Variants in IQCK observed in about 807,000 individuals in gnomAD.
The protein encoded by IQCK is IQ domain-containing protein K.
Under a neutral mutation model 28.1 loss-of-function variants are expected in IQCK, and 29 were observed. That is an observed-to-expected ratio of 1.03 (90% CI 0.77 to 1.41). IQCK has a LOEUF of 1.41. IQCK is among the 40% of genes most tolerant of loss of function. The probability of loss-of-function intolerance (pLI) is 0.00; values close to 1 mark genes in which losing one functional copy is unlikely to be tolerated. For missense variants in IQCK, 359 were observed against 314.7 expected (o/e 1.14, Z -1.07); for synonymous variants, 113 against 115.1 (o/e 0.98, Z 0.12).
At chr16:19,739,908 C>G (rs773868441) in intron 4 of IQCK, among the ~76,000 whole-genome samples, 1 of 152,220 alleles carries the variant, frequency 6.6e-6, no homozygotes, top group Non-Finnish European at 1.5e-5. Flanking sequence ...CTTACAATAA[C>G]CTTCTGAACC....
exon 10 of IQCK, chr16:19,857,242 G>A (rs1021622572): frequency 1.7e-5 from 5 of 296,900 alleles, no homozygotes; most frequent in East Asian, 1.1e-4. Context: ...AGGCAGATCC[G>A]AAAGCCTAGT....
At chr16:19,848,249 C>T (rs950772701) in intron 9 of IQCK, among the ~76,000 whole-genome samples, 4 of 152,260 alleles carry the variant, frequency 2.6e-5, no homozygotes, top group African/African-American at 7.2e-5. Context: ...TGACTAATGA[C>T]GTTGCACACC....
At chr16:19,781,935 G>A (rs981282800) in intron 6 of IQCK, among the ~76,000 whole-genome samples, 3 of 152,022 alleles carry the variant, frequency 2.0e-5, no homozygotes, top group African/African-American at 7.2e-5. Context: ...GATGCAGTGA[G>A]CCGAGATCGT....
chr16:19,842,955 C>T lies in IQCK; in HGVS notation c.803-13532C>T, dbSNP rs559093916. 2.0e-4 allele frequency among the ~76,000 whole-genome samples: 30 copies of T among 152,122 alleles called. 1 individual carries two copies. The highest frequency in any genetic ancestry group is 6.0e-4 in the African/African-American group (25 of 41,492). On this transcript the variant is annotated intron_variant, in intron 9 of 9. Coordinates refer to the IQCK transcript ENST00000320394. The stretch of plus-strand genomic sequence containing the variant: ...ACATTAAACACTGGGAAGCCTGGCC[C>T]GGGGGAGTTGTCATTAGAGCATATC...
At chr16:19,780,281 A>G (rs763033557) in intron 6 of IQCK, among the ~76,000 whole-genome samples, 1 of 151,874 alleles carries the variant, frequency 6.6e-6, no homozygotes, top group African/African-American at 2.4e-5. Context: ...ACCTCAAGTG[A>G]TCTGCCGGCC....
chr16:19,734,324 C>T (rs1977935790), intron 3 of IQCK, among the ~76,000 whole-genome samples: 2 of 152,034 alleles, frequency 1.3e-5, no homozygotes. Flanking sequence ...TGGTGAAACC[C>T]TGTCTCTACT....
intron 1 of IQCK, among the ~76,000 whole-genome samples, chr16:19,729,708 A>C (rs1252835196): frequency 1.3e-5 from 2 of 150,860 alleles, no homozygotes; most frequent in South Asian, 2.1e-4. Flanking sequence ...GCAGTGGCGC[A>C]ATCTCAGCTC....
exon 2 of IQCK, chr16:19,730,437 A>C: frequency 6.2e-7 from 1 of 1,608,068 alleles, no homozygotes. Flanking sequence ...TAGAGTATGA[A>C]GCTGAGCAGC....
At chr16:19,738,976 C>G (rs1305118598) in intron 4 of IQCK, among the ~76,000 whole-genome samples, 1 of 152,200 alleles carries the variant, frequency 6.6e-6, no homozygotes, top group East Asian at 1.9e-4. Flanking sequence ...GGAAGCATTT[C>G]TCACCCTCTG....
intron 1 of IQCK, among the ~76,000 whole-genome samples, chr16:19,719,320 T>C (rs1264070899): frequency 6.6e-6 from 1 of 152,072 alleles, no homozygotes; most frequent in Non-Finnish European, 1.5e-5. Context: ...TTTCCTCCAC[T>C]AGACCATAAG....
chr16:19,828,893 ATTATATATATT>A (rs1346961402), downstream of IQCK, among the ~76,000 whole-genome samples: 21 of 140,294 alleles, frequency 1.5e-4, no homozygotes, highest in African/African-American at 5.1e-4. Flanking sequence ...TAAAATATAT[ATTATATATATT>A]TTTATATATT....
At chr16:19,718,999 C>A (rs1977375153) in intron 1 of IQCK, among the ~76,000 whole-genome samples, 2 of 152,192 alleles carry the variant, frequency 1.3e-5, no homozygotes, top group Non-Finnish European at 1.5e-5. Context: ...CTTCTTGCTT[C>A]AAACCTTCCT....
At chr16:19,719,170 C>CA in intron 1 of IQCK, among the ~76,000 whole-genome samples, 1 of 152,084 alleles carries the variant, frequency 6.6e-6, no homozygotes, top group East Asian at 1.9e-4. Context: ...CAGATAGTCA[C>CA]AAAAAGTGCT....
chr16:19,783,224 C>T (rs948184301), intron 6 of IQCK, among the ~76,000 whole-genome samples: 12 of 152,074 alleles, frequency 7.9e-5, no homozygotes, highest in Admixed American at 1.3e-4. Context: ...GTCTCGAACT[C>T]CTGACCTCAG....
chr16:19,782,675 C>G (rs562953229), intron 6 of IQCK, among the ~76,000 whole-genome samples: 1 of 152,036 alleles, frequency 6.6e-6, no homozygotes, highest in Non-Finnish European at 1.5e-5. Flanking sequence ...AATTTTGATT[C>G]CAAAATTTCA....
chr16:19,721,587 C>CT lies in IQCK; in HGVS notation c.181+3116dup, dbSNP rs56747844. Among the ~76,000 whole-genome samples, 418 of 137,720 alleles carry CT rather than the reference C, an allele frequency of 3.0e-3. 3 individuals are homozygous for CT. The highest frequency in any genetic ancestry group is 5.8e-3 in the South Asian group (25 of 4,328). 90.3% of individuals were successfully genotyped at this position (137,720 alleles called of 152,430 possible). ...AAAGGATGTGGGGCTTAACAGTTTC[C>CT]TTTTTTTTTTTTTTTTGAGATGAAG... On this transcript the variant is annotated intron_variant, in intron 1 of 7. Transcript: ENST00000564186.
chr16:19,821,786 A>G (rs1054048561), intron 7 of IQCK, among the ~76,000 whole-genome samples: 4 of 152,192 alleles, frequency 2.6e-5, no homozygotes, highest in Non-Finnish European at 4.4e-5. Flanking sequence ...TAAATGTTCC[A>G]TTAAGTGCTG....
intron 4 of IQCK, among the ~76,000 whole-genome samples, chr16:19,751,241 C>CA (rs2054982434): frequency 1.3e-5 from 2 of 152,076 alleles, no homozygotes; most frequent in East Asian, 3.9e-4. Context: ...ACCCGTTATC[C>CA]CAGCACTTTG....
At chr16:19,719,925 G>A (rs1271088406) in intron 1 of IQCK, among the ~76,000 whole-genome samples, 1 of 151,726 alleles carries the variant, frequency 6.6e-6, no homozygotes, top group African/African-American at 2.4e-5. Flanking sequence ...TACCTGCCTC[G>A]GCCTCCCAAA....
Sources: gnomAD v4.1 joint callset for allele counts (sites outside exome capture counted in the v4.1 genomes callset) on GRCh38, gnomAD v4.1.1 for gene constraint, MANE v1.5 for transcripts, NCBI Gene and HGNC (gene_info 2026-07-23, HGNC 2026-07-21) for gene names.